Variants in RFX1 observed in about 807,000 individuals in gnomAD.
RFX1 encodes the protein regulatory factor X1.
A neutral mutation model predicts 119.6 loss-of-function variants in RFX1; 42 were observed. The ratio of observed to expected loss-of-function variants is 0.35; its 90% CI spans 0.27 to 0.45. The LOEUF (loss-of-function observed/expected upper bound fraction) is 0.45. RFX1 is among the 20% of genes least tolerant of loss of function. The pLI is 1.00. For synonymous variants in RFX1, 628 were observed against 618.5 expected, an observed-to-expected ratio of 1.02 and a Z score of -0.23; for missense variants, 1,118 against 1,368.1, an observed-to-expected ratio of 0.82 and a Z score of 2.88.
chr19:14,003,007 C>A (rs1484849214), intron 1 of RFX1, among the ~76,000 whole-genome samples: 1 of 152,186 alleles, frequency 6.6e-6, no homozygotes, highest in Non-Finnish European at 1.5e-5. Flanking sequence ...TGTTTTGAGA[C>A]AGTCTTGCTC....
chr19:14,000,819 G>T (rs1458352998), intron 1 of RFX1, among the ~76,000 whole-genome samples: 1 of 152,048 alleles, frequency 6.6e-6, no homozygotes, highest in Admixed American at 6.6e-5. Context: ...TCCTGGACAG[G>T]CATGGCGGCT....
Position 13,969,858 on chromosome 19 carries a change from G to A in RFX1, c.1496+136C>T, listed in dbSNP as rs1974019305. On this transcript the variant is annotated intron_variant, in intron 10 of 20. Coordinates refer to ENST00000254325, the MANE Select transcript of RFX1 (RefSeq NM_002918.5). The surrounding 1 kb of genome is among the most constrained non-coding windows in gnomAD (Gnocchi z 4.5). Reference sequence around the variant, plus strand: ...GCAAAGGCCTAGAGTGGGAGTGAGCGGGGCTGTCGAGGAGCCTCGCAGAGG... The same window carrying A: ...GCAAAGGCCTAGAGTGGGAGTGAGCAGGGCTGTCGAGGAGCCTCGCAGAGG... The A allele has an allele frequency of 1.1e-5, 9 of 789,498 alleles. No individual in the cohort carries two copies. The highest frequency in any genetic ancestry group is 6.0e-5 in the Admixed American group (2 of 33,220). The allele number at this position is 789,498 out of a possible 1,614,324, so 48.9% of individuals were successfully genotyped here. A position where few individuals can be genotyped will look rare whatever the true frequency, so the allele number is the denominator to read the frequency against.
rs1309992435 is a variant in RFX1, at chr19:13,968,555, G to A, written c.1732+10C>T. On this transcript the variant is annotated intron_variant, in intron 12 of 20. Transcript: ENST00000254325. This position sits in a 1 kb window ranked among gnomAD's most constrained non-coding sequence, Gnocchi z 5.5. ...GGTGGTTGGGGAAGCACGGGCCAGG[G>A]AGCTCTCACCCAAAAATTGCTGGTA... The A allele has an allele frequency of 1.9e-6, 3 of 1,606,218 alleles. No homozygotes were observed. Among genetic ancestry groups the A allele is most frequent in the East Asian group, 2.2e-5 (1 of 44,834 alleles).
rs1284198593 is a variant in RFX1, at chr19:13,962,437, T to C, written c.*258A>G. The C allele has an allele frequency of 2.0e-6, 1 of 494,520 alleles. No homozygotes were observed. The allele number at this position is 494,520 out of a possible 1,614,324, so 30.6% of individuals were successfully genotyped here. A position where few individuals can be genotyped will look rare whatever the true frequency, so the allele number is the denominator to read the frequency against. ...GAGGGGGGCGGCCAAGGGGCCGAGC[T>C]GGATGCCCCGCGGGGCACCTGGGCA... On this transcript the variant is annotated 3_prime_UTR_variant, in exon 21 of 21. Transcript: ENST00000254325.
rs933943290 is a variant in RFX1 at position 13,986,882 on chromosome 19, C to T, written c.320-3287G>A. Among the ~76,000 whole-genome samples the T allele has an allele frequency of 3.3e-5, 5 of 152,142 alleles. No homozygotes were observed. The highest frequency in any genetic ancestry group is 7.4e-5 in the Non-Finnish European group (5 of 68,002). On this transcript the variant is annotated intron_variant, in intron 2 of 20. Transcript: ENST00000254325. This position sits in a 1 kb window ranked among gnomAD's most constrained non-coding sequence, Gnocchi z 4.2. ...ACCCTGGGGGCCTGGCCCCCTTCCC[C>T]ATAGACAGATGGGGCCACCTGACCC... is the stretch of plus-strand genomic sequence containing the variant.
At chr19:13,977,956 C>T in intron 8 of RFX1, 36 bp downstream of exon 8, 1 of 1,529,008 alleles carries the variant, frequency 6.5e-7, no homozygotes, top group Non-Finnish European at 9.0e-7. Flanking sequence ...CCAGTGCAGA[C>T]CTGACTCCCT....
intron 1 of RFX1, among the ~76,000 whole-genome samples, chr19:13,997,369 GC>G (rs1975070403): frequency 6.6e-6 from 1 of 152,220 alleles, no homozygotes; most frequent in South Asian, 2.1e-4. Flanking sequence ...TTTGAGGAGA[GC>G]CCCTACGGCT....
chr19:13,999,117 A>C (rs925036998), intron 1 of RFX1, among the ~76,000 whole-genome samples: 2 of 152,226 alleles, frequency 1.3e-5, no homozygotes, highest in Non-Finnish European at 2.9e-5. Context: ...GACTACATTA[A>C]GCAATTATAC....
intron 16 of RFX1, among the ~76,000 whole-genome samples, chr19:13,964,728 C>T (rs1439911938): frequency 6.6e-6 from 1 of 152,096 alleles, no homozygotes; most frequent in African/African-American, 2.4e-5. Flanking sequence ...GTGATCCGCC[C>T]GCCTCGCCTC....
At chr19:13,967,205 C>G (rs1167774817) in intron 12 of RFX1, among the ~76,000 whole-genome samples, 1 of 152,176 alleles carries the variant, frequency 6.6e-6, no homozygotes, top group Non-Finnish European at 1.5e-5. Flanking sequence ...AATGGGATGT[C>G]CCGGCCTCCA....
chr19:13,980,758 A>G lies in RFX1; in HGVS notation c.622-69T>C. On this transcript the variant is annotated intron_variant, in intron 5 of 20. Transcript: ENST00000254325. This position sits in a 1 kb window ranked among gnomAD's most constrained non-coding sequence, Gnocchi z 5.1. ...CATCCTCTCTGAGGTGGGCTCACAC[A>G]CACACCCTTCTCAGGAGAGCTGTCT... 3 of 193,272 alleles carry G rather than the reference A, an allele frequency of 1.6e-5. No homozygotes were observed. The highest frequency in any genetic ancestry group is 2.1e-4 in the South Asian group (2 of 9,372). 12.0% of individuals were successfully genotyped at this position (193,272 alleles called of 1,614,324 possible). A position where few individuals can be genotyped will look rare whatever the true frequency, so the allele number is the denominator to read the frequency against.
chr19:13,968,908 G>A lies in RFX1; in HGVS notation c.1497-14C>T. ...TTGGAGTTGCCCCTGGGAGGGAGGT[G>A]GAGGGGAAGGGCTGGGCTGGGGGTC... On this transcript the variant is annotated splice_polypyrimidine_tract_variant and intron_variant, in intron 10 of 20. Coordinates refer to ENST00000254325, the MANE Select transcript of RFX1 (RefSeq NM_002918.5). This position sits in a 1 kb window ranked among gnomAD's most constrained non-coding sequence, Gnocchi z 5.5. 1 of 1,546,582 alleles carries A rather than the reference G, an allele frequency of 6.5e-7. No individual in the cohort carries two copies. The highest frequency in any genetic ancestry group is 8.7e-7 in the Non-Finnish European group (1 of 1,146,286).
intron 1 of RFX1, among the ~76,000 whole-genome samples, chr19:13,997,867 C>T (rs1051258959): frequency 6.6e-6 from 1 of 152,126 alleles, no homozygotes; most frequent in Non-Finnish European, 1.5e-5. Flanking sequence ...AGAAACTTGC[C>T]CACCGTGAGA....
Position 13,983,189 on chromosome 19 carries a change from G to T in RFX1, c.511C>A (p.Gln171Lys). The stretch of plus-strand genomic sequence containing the variant: ...GTGGCCAGGTGCAGCAGCATTACCT[G>T]CTGGGGCACTTGGATGTTGGTCAGC... ...LQLTNIQVPQ[Q>K]ALPTQRLVVQ... Residue 171 changes from glutamine to lysine, a missense_variant and splice_region_variant, in exon 4 of 21, where the codon CAG becomes AAG. This residue lies in a region of RFX1 where 542 missense variants were observed against 602.7 expected (regional missense o/e 0.90). Transcript: ENST00000254325. 1 of 1,568,678 alleles carries T rather than the reference G, an allele frequency of 6.4e-7. No individual in the cohort carries two copies. The highest frequency in any genetic ancestry group is 8.6e-7 in the Non-Finnish European group (1 of 1,161,410).
intron 7 of RFX1, among the ~76,000 whole-genome samples, chr19:13,978,723 C>A (rs944464804): frequency 1.3e-5 from 2 of 152,056 alleles, no homozygotes; most frequent in East Asian, 1.9e-4. Flanking sequence ...CCGCCCGCTG[C>A]CCCCCGCCCG....
rs1301986362 is a variant in RFX1, at chr19:13,985,578, C to A, written c.320-1983G>T. Reference sequence around the variant, plus strand: ...CAAATGCACCATCCACCGTGCAGGCCATGACGCAGGTTCCCCTCTGGGCCC... The same window carrying A: ...CAAATGCACCATCCACCGTGCAGGCAATGACGCAGGTTCCCCTCTGGGCCC... On this transcript the variant is annotated intron_variant, in intron 2 of 20. Coordinates refer to ENST00000254325, the MANE Select transcript of RFX1 (RefSeq NM_002918.5). This position sits in a 1 kb window ranked among gnomAD's most constrained non-coding sequence, Gnocchi z 4.3. Among the ~76,000 whole-genome samples the A allele has an allele frequency of 6.6e-6, 1 of 152,222 alleles. No homozygotes were observed. Among genetic ancestry groups the A allele is most frequent in the African/African-American group, 2.4e-5 (1 of 41,448 alleles).
rs551292060 is a variant in RFX1, at chr19:13,990,408, C to T, written c.319+3117G>A. Reference sequence around the variant, plus strand: ...GAGAAAATGGGGGCTTGGCTGGGCGCGGTGGCTCACACTTGTAATTCCAGC... The same window carrying T: ...GAGAAAATGGGGGCTTGGCTGGGCGTGGTGGCTCACACTTGTAATTCCAGC... On this transcript the variant is annotated intron_variant, in intron 2 of 20. Transcript: ENST00000254325. This position sits in a 1 kb window ranked among gnomAD's most constrained non-coding sequence, Gnocchi z 4.1. Among the ~76,000 whole-genome samples, 2 of 151,920 alleles carry T rather than the reference C, an allele frequency of 1.3e-5. No individual in the cohort carries two copies. The highest frequency in any genetic ancestry group is 4.8e-5 in the African/African-American group (2 of 41,356).
intron 1 of RFX1, among the ~76,000 whole-genome samples, chr19:13,994,939 A>ATAC (rs1974959073): frequency 1.5e-5 from 1 of 64,914 alleles, no homozygotes; most frequent in African/African-American, 6.1e-5. Flanking sequence ...TATATATATA[A>ATAC]TCATTTTTTT....
At chr19:13,977,293 CA>C (rs745777521) in intron 8 of RFX1, among the ~76,000 whole-genome samples, 409 of 112,248 alleles carry the variant, frequency 3.6e-3, no homozygotes, top group Non-Finnish European at 5.7e-3. Flanking sequence ...GACTCCATCT[CA>C]AAAAAAAAAA....
Sources: gnomAD v4.1 joint callset for allele counts (sites outside exome capture counted in the v4.1 genomes callset) on GRCh38, gnomAD v4.1.1 for gene constraint, gnomAD v4.1.1 regional missense constraint, Gnocchi (gnomAD v3.1) non-coding constraint, MANE v1.5 for transcripts, NCBI Gene and HGNC (gene_info 2026-07-23, HGNC 2026-07-21) for gene names.